Variants in GRM5 observed in about 807,000 individuals in gnomAD.
GRM5 encodes the protein glutamate metabotropic receptor 5, also known as metabotropic glutamate receptor 5.
A neutral mutation model predicts 83.1 loss-of-function variants in GRM5; 19 were observed. That is an observed-to-expected ratio of 0.23 (90% CI 0.16 to 0.34). The LOEUF is 0.34. Ranked by LOEUF, GRM5 falls within the 10% of genes least tolerant of loss-of-function variation. GRM5 has a pLI of 1.00. For synonymous variants in GRM5, 675 were observed against 633.6 expected (o/e 1.07, Z -0.98); for missense variants, 1,160 against 1,588.3 (o/e 0.73, Z 4.58).
chr11:88,780,525 A>G (rs550752720), intron 3 of GRM5, among the ~76,000 whole-genome samples: 4 of 152,288 alleles, frequency 2.6e-5, no homozygotes, highest in African/African-American at 9.6e-5. Context: ...GGGGATAATA[A>G]TAGTACTGAA....
intron 2 of GRM5, among the ~76,000 whole-genome samples, chr11:88,873,913 C>T (rs968670621): frequency 2.0e-5 from 3 of 151,414 alleles, no homozygotes; most frequent in Non-Finnish European, 4.4e-5. Context: ...CACAGAAATA[C>T]AAAGGATCAT....
intron 2 of GRM5, among the ~76,000 whole-genome samples, chr11:88,898,483 TA>T (rs1945268303): frequency 6.6e-6 from 1 of 151,898 alleles, no homozygotes; most frequent in South Asian, 2.1e-4. Context: ...AAAATGCAAA[TA>T]ATACTGACTG....
intron 2 of GRM5, among the ~76,000 whole-genome samples, chr11:88,934,160 A>T (rs1937812981): frequency 6.6e-6 from 1 of 151,778 alleles, no homozygotes; most frequent in South Asian, 2.1e-4. Context: ...TCATCAAAAC[A>T]ATTACTAGAG....
Position 88,604,981 on chromosome 11 carries a change from T to A in GRM5, c.1148-17A>T. On this transcript the variant is annotated splice_polypyrimidine_tract_variant and intron_variant, in intron 4 of 9. Coordinates refer to ENST00000305447, the MANE Select transcript of GRM5 (RefSeq NM_001143831.3). The stretch of plus-strand genomic sequence containing the variant: ...TCAGAGAACCTGTTGGGAAACAAAT[T>A]AAGCATAGCTTTGAGGTACAAATCT... The A allele has an allele frequency of 6.2e-7, 1 of 1,604,006 alleles. No homozygotes were observed. The highest frequency in any genetic ancestry group is 1.1e-5 in the South Asian group (1 of 90,804).
At chr11:89,017,110 A>G (rs1940878034) in intron 2 of GRM5, among the ~76,000 whole-genome samples, 2 of 152,128 alleles carry the variant, frequency 1.3e-5, no homozygotes, top group South Asian at 4.2e-4. Flanking sequence ...ACATTCTGTC[A>G]CCATAGAATA....
intron 2 of GRM5, among the ~76,000 whole-genome samples, chr11:88,988,230 C>A (rs569661150): frequency 6.6e-6 from 1 of 151,776 alleles, no homozygotes. Flanking sequence ...CCTCAGTAGC[C>A]GATGCAATCA....
At chr11:88,993,265 CAAAAAA>C (rs71046275) in intron 2 of GRM5, among the ~76,000 whole-genome samples, 1 of 102,644 alleles carries the variant, frequency 9.7e-6, no homozygotes, top group Non-Finnish European at 1.8e-5. Flanking sequence ...GACTCTGTCT[CAAAAAA>C]AAAAAAAAAA....
At chr11:88,900,985 G>A (rs746999677) in intron 2 of GRM5, among the ~76,000 whole-genome samples, 9 of 152,106 alleles carry the variant, frequency 5.9e-5, no homozygotes, top group Non-Finnish European at 1.3e-4. Context: ...TGTAAATTTT[G>A]TTAAAGGTAA....
chr11:89,004,140 A>C (rs1174544620), intron 2 of GRM5, among the ~76,000 whole-genome samples: 2 of 151,354 alleles, frequency 1.3e-5, no homozygotes, highest in Non-Finnish European at 2.9e-5. Flanking sequence ...AGGTCTTCGC[A>C]AATTAATAGG....
At chr11:88,724,881 T>C (rs6416017) in intron 3 of GRM5, among the ~76,000 whole-genome samples, 124,535 of 152,098 alleles carry the variant, frequency 0.82, 51,047 homozygotes, top group South Asian at 0.92. Flanking sequence ...CCAGATACTA[T>C]GCTTTTGACA....
At chr11:88,824,843 G>A (rs765775967) in intron 3 of GRM5, among the ~76,000 whole-genome samples, 1 of 152,046 alleles carries the variant, frequency 6.6e-6, no homozygotes, top group Non-Finnish European at 1.5e-5. Flanking sequence ...GTGTGTAGAC[G>A]GGTATGCATA....
chr11:88,786,028 T>C (rs186867229), intron 3 of GRM5, among the ~76,000 whole-genome samples: 24 of 152,236 alleles, frequency 1.6e-4, no homozygotes, highest in Admixed American at 4.6e-4. Context: ...AAGCATACAT[T>C]TTCTGTTCTC....
intron 8 of GRM5, among the ~76,000 whole-genome samples, chr11:88,561,486 C>G (rs530104114): frequency 2.0e-5 from 3 of 152,190 alleles, no homozygotes; most frequent in Admixed American, 2.0e-4. Flanking sequence ...ATTTTAGAAC[C>G]CCAGTTCCAT....
At chr11:88,746,845 TA>T (rs1942155613) in intron 3 of GRM5, among the ~76,000 whole-genome samples, 1 of 152,222 alleles carries the variant, frequency 6.6e-6, no homozygotes, top group East Asian at 1.9e-4. Flanking sequence ...TATCAAAACT[TA>T]AAAATTTAAT....
intron 3 of GRM5, among the ~76,000 whole-genome samples, chr11:88,702,245 C>T (rs1413502319): frequency 6.6e-6 from 1 of 151,968 alleles, no homozygotes; most frequent in African/African-American, 2.4e-5. Context: ...GAGGTATTCC[C>T]CATCCATGGC....
chr11:88,973,209 A>T (rs114291569), intron 2 of GRM5, among the ~76,000 whole-genome samples: 1 of 152,170 alleles, frequency 6.6e-6, no homozygotes, highest in Admixed American at 6.6e-5. Flanking sequence ...TGATGGAAAC[A>T]TTGTGGCTAT....
At chr11:88,861,004 T>C (rs1307389477) in intron 2 of GRM5, among the ~76,000 whole-genome samples, 2 of 152,194 alleles carry the variant, frequency 1.3e-5, no homozygotes, top group Non-Finnish European at 2.9e-5. Flanking sequence ...CATTAATATG[T>C]GGATTACATG....
chr11:88,992,776 C>A (rs1167059978), intron 2 of GRM5, among the ~76,000 whole-genome samples: 1 of 150,154 alleles, frequency 6.7e-6, no homozygotes, highest in Non-Finnish European at 1.5e-5. Flanking sequence ...GACAAAAAAC[C>A]AAGCACCACG....
At chr11:88,960,476 C>T (rs1174551205) in intron 2 of GRM5, among the ~76,000 whole-genome samples, 1 of 152,060 alleles carries the variant, frequency 6.6e-6, no homozygotes, top group Non-Finnish European at 1.5e-5. Flanking sequence ...CAAATATTTC[C>T]TAGGAAGGAA....
Sources: allele counts gnomAD v4.1 joint callset (sites outside exome capture counted in the v4.1 genomes callset), GRCh38; gene constraint gnomAD v4.1.1; transcripts MANE v1.5; gene names NCBI Gene and HGNC (gene_info 2026-07-23, HGNC 2026-07-21).